Variants in TPCN2 observed in about 807,000 individuals in gnomAD.
TPCN2 encodes two pore segment channel 2, also known as two pore channel protein 2.
TPCN2 carries 92 observed loss-of-function variants against 111.4 expected under a neutral mutation model. That is an observed-to-expected ratio of 0.83 (90% confidence interval 0.70 to 0.98). TPCN2 has a LOEUF of 0.98. Ranked by LOEUF, TPCN2 falls within the 50% of genes least tolerant of loss-of-function variation. TPCN2 has a pLI of 0.00. For synonymous variants in TPCN2, 405 were observed against 414.5 expected (o/e 0.98, Z 0.28); for missense variants, 995 against 980.1 (o/e 1.02, Z -0.20).
At position 69,063,970 on chromosome 11, in the gene TPCN2, A is replaced by C. The variant is rs749073140; in HGVS notation, c.726+3A>C. On this transcript the variant is annotated splice_donor_region_variant and intron_variant, in intron 7 of 24. Transcript: ENST00000294309. ...TGCTGCTGTTCGCTGGTGGGAAGGT[A>C]GGGCACCCGTGGTCAGGGTCTGGGA... The C allele has an allele frequency of 6.2e-7, 1 of 1,613,862 alleles. No individual in the cohort carries two copies. Among genetic ancestry groups the C allele is most frequent in the Non-Finnish European group, 8.5e-7 (1 of 1,179,874 alleles).
intron 5 of TPCN2, 95 bp from the exon 6 acceptor site, chr11:69,062,789 A>C (rs1855081256): frequency 2.5e-6 from 3 of 1,177,452 alleles, no homozygotes; most frequent in Non-Finnish European, 3.7e-6. Context: ...CCCCCAGGGC[A>C]CTGGGGTCTC....
intron 24 of TPCN2, 21 bp downstream of exon 24, chr11:69,087,227 C>T (rs1363182380): frequency 6.2e-7 from 1 of 1,607,932 alleles, no homozygotes; most frequent in Non-Finnish European, 8.5e-7. Flanking sequence ...GGGGAAGGCG[C>T]TTCTGTCTGG....
chr11:69,078,658 C>A, intron 14 of TPCN2, 57 bp downstream of exon 14: 2 of 1,613,340 alleles, frequency 1.2e-6, no homozygotes, highest in South Asian at 2.2e-5. Flanking sequence ...GCCCACCTTG[C>A]AGGGGAGCCT....
At chr11:69,081,520 C>T (rs762928571) in intron 18 of TPCN2, 21 bp downstream of exon 18, 15 of 1,511,798 alleles carry the variant, frequency 9.9e-6, no homozygotes, top group Non-Finnish European at 1.3e-5. Context: ...GCCCCACCCC[C>T]ACTCGCCCCA....
intron 7 of TPCN2, among the ~76,000 whole-genome samples, chr11:69,066,441 C>T (rs765510134): frequency 4.6e-5 from 7 of 152,204 alleles, no homozygotes; most frequent in Non-Finnish European, 1.0e-4. Context: ...CCCCTGTGCC[C>T]CCTCCCCCAG....
At chr11:69,086,500 G>T in intron 22 of TPCN2, 23 bp from the exon 23 acceptor site, 1 of 1,608,808 alleles carries the variant, frequency 6.2e-7, no homozygotes, top group Non-Finnish European at 8.5e-7. Context: ...GTGGTTCACA[G>T]GGTGGGTCTC....
rs140080013 is a variant in TPCN2, at chr11:69,070,482, C to T, written c.882C>T (p.Val294=). 343 of 1,608,298 alleles carry T rather than the reference C, an allele frequency of 2.1e-4. No homozygotes were observed. In the African/African-American group the frequency reaches 3.8e-3, roughly 18 times the overall value. The change falls in exon 9 of 25, where the codon GTC becomes GTT. Residue 294 remains valine, a synonymous_variant. Transcript: ENST00000294309. ...GGGCCTATGCCATCTTCTTCATAGTCTTCACTGTGATAGGTGAGTGCAGGT... is the reference window on the plus strand; with the variant it reads ...GGGCCTATGCCATCTTCTTCATAGTTTTCACTGTGATAGGTGAGTGCAGGT... ...KNRAYAIFFI[V]FTVIGSLFLM... is the part of the protein sequence containing the mutation.
chr11:69,084,146 G>A (rs917230461), intron 19 of TPCN2, 130 bp downstream of exon 19: 1 of 906,844 alleles, frequency 1.1e-6, no homozygotes. Context: ...ACGGCAGCAG[G>A]TTCCTGAGGC....
At chr11:69,053,525 G>A (rs1861327609) in intron 1 of TPCN2, among the ~76,000 whole-genome samples, 1 of 152,178 alleles carries the variant, frequency 6.6e-6, no homozygotes, top group Non-Finnish European at 1.5e-5. Context: ...CTGTGCAGGA[G>A]CCAGGTAGGG....
chr11:69,061,124 C>T (rs1855002331), intron 5 of TPCN2, among the ~76,000 whole-genome samples: 1 of 152,242 alleles, frequency 6.6e-6, no homozygotes, highest in South Asian at 2.1e-4. Context: ...GAGAGAGAGA[C>T]TGCCAGCGCA....
At chr11:69,063,041 C>T in intron 6 of TPCN2, 51 bp downstream of exon 6, 1 of 1,539,934 alleles carries the variant, frequency 6.5e-7, no homozygotes, top group Non-Finnish European at 9.0e-7. Flanking sequence ...GCTCTCTCTG[C>T]CCCGGGCCAC....
intron 19 of TPCN2, 54 bp from the exon 20 acceptor site, chr11:69,085,156 T>C: frequency 1.3e-6 from 2 of 1,506,144 alleles, no homozygotes; most frequent in South Asian, 2.2e-5. Flanking sequence ...GGGAGGGTGG[T>C]GGTGGGTGCA....
intron 11 of TPCN2, 151 bp from the exon 12 acceptor site, chr11:69,072,476 A>C: frequency 1.4e-6 from 1 of 696,408 alleles, no homozygotes; most frequent in Non-Finnish European, 2.4e-6. Context: ...CAGTGGCAGG[A>C]TGCTCGTTAC....
intron 1 of TPCN2, among the ~76,000 whole-genome samples, chr11:69,051,228 G>T (rs2134507267): frequency 6.6e-6 from 1 of 152,388 alleles, no homozygotes; most frequent in East Asian, 1.9e-4. Context: ...ACCTGATGGG[G>T]CCGGGGTCAA....
At chr11:69,077,339 C>T (rs1187142884) in intron 13 of TPCN2, among the ~76,000 whole-genome samples, 2 of 82,900 alleles carry the variant, frequency 2.4e-5, no homozygotes, top group African/African-American at 8.2e-5. Context: ...CTGCTGTGTC[C>T]CTTCACCTGC....
chr11:69,085,690 T>G lies in TPCN2; in HGVS notation c.1858T>G (p.Ser620Ala), dbSNP rs1289667112. ...CCCCAGCCTGGCCCCTGCCAATGGC[T>G]CGGCGCCCTGTGGGAGCTTCGAGCA... ...GNSSLAPANG[S>A]APCGSFEQLE... Residue 620 changes from serine (S) to alanine (A), a missense_variant, in exon 21 of 25, where the codon TCG becomes GCG. Coordinates refer to ENST00000294309, the MANE Select transcript of TPCN2 (RefSeq NM_139075.4). The G allele has an allele frequency of 1.2e-6, 2 of 1,613,716 alleles. No homozygotes were observed. Among genetic ancestry groups the G allele is most frequent in the Non-Finnish European group, 1.7e-6 (2 of 1,179,838 alleles).
In TPCN2 at chr11:69,055,349, G is replaced by T. The variant is rs1486954562; in HGVS notation, c.426G>T (p.Val142=). 1 of 1,606,792 alleles carries T rather than the reference G, an allele frequency of 6.2e-7. No homozygotes were observed. ...CLLVFAADLS[V]KGYLFGWAHF... is the part of the protein sequence containing the mutation. ...TGGTCTTTGCGGCCGACCTCTCTGTGAAGGTGAGGCGGGCGCCAGGCCCTC... is the reference window on the plus strand; with the variant it reads ...TGGTCTTTGCGGCCGACCTCTCTGTTAAGGTGAGGCGGGCGCCAGGCCCTC... The change falls in exon 4 of 25, where the codon GTG becomes GTT. Residue 142 remains valine, a synonymous_variant. Transcript: ENST00000294309.
At chr11:69,054,429 C>T in intron 2 of TPCN2, 2 of 560,764 alleles carry the variant, frequency 3.6e-6, no homozygotes, top group South Asian at 2.1e-5. Context: ...AAGAGAGAGC[C>T]TCGCAGGCAG....
chr11:69,071,888 G>A (rs371798516), intron 10 of TPCN2, 35 bp from the exon 11 acceptor site: 96 of 1,594,884 alleles, frequency 6.0e-5, no homozygotes, highest in Non-Finnish European at 6.9e-5. Flanking sequence ...CTGGGGGAGG[G>A]CTGATCCTGC....
Sources: allele counts gnomAD v4.1 joint callset (sites outside exome capture counted in the v4.1 genomes callset), GRCh38; gene constraint gnomAD v4.1.1; transcripts MANE v1.5; gene names NCBI Gene and HGNC (gene_info 2026-07-23, HGNC 2026-07-21).